The following DDC variants were observed in gnomAD, a reference collection of about 807,000 sequenced individuals.
DDC encodes the protein aromatic-L-amino-acid decarboxylase.
DDC carries 43 observed loss-of-function variants against 60.0 expected under a neutral mutation model. The observed-to-expected ratio is 0.72, with a 90% CI of 0.56 to 0.92. The LOEUF (loss-of-function observed/expected upper bound fraction) is 0.92, where lower values mean the gene tolerates loss of function less well. DDC is among the 40% of genes least tolerant of loss of function. The pLI, the probability that DDC is intolerant of heterozygous loss-of-function variation, is 0.00. For missense variants in DDC, 573 were observed against 620.2 expected (o/e 0.92, Z 0.81); for synonymous variants, 232 against 234.6 (o/e 0.99, Z 0.10).
intron 6 of DDC, among the ~76,000 whole-genome samples, chr7:50,516,348 A>C (rs2043729706): frequency 6.6e-6 from 1 of 152,212 alleles, no homozygotes; most frequent in South Asian, 2.1e-4. Context: ...AAACAAAATC[A>C]AGATGGAAAT....
At chr7:50,524,673 G>T (rs1237765051) in intron 6 of DDC, among the ~76,000 whole-genome samples, 2 of 152,162 alleles carry the variant, frequency 1.3e-5, no homozygotes, top group African/African-American at 2.4e-5. Flanking sequence ...AATACCAAAT[G>T]CTGGTAAGGA....
At chr7:50,493,339 A>G (rs1157548909) in intron 9 of DDC, among the ~76,000 whole-genome samples, 1 of 152,164 alleles carries the variant, frequency 6.6e-6, no homozygotes, top group South Asian at 2.1e-4. Context: ...GCCCTGCTCA[A>G]GGGTGGTTCT....
intron 13 of DDC, among the ~76,000 whole-genome samples, chr7:50,466,572 G>GATTA (rs1159444548): frequency 3.3e-5 from 5 of 151,328 alleles, no homozygotes; most frequent in Non-Finnish European, 7.4e-5. Context: ...ACACAAGGGA[G>GATTA]ATTACCAAGG....
In DDC at chr7:50,557,658, C is replaced by A. The variant is rs767750723; in HGVS notation, c.-29+7627G>T. Among the ~76,000 whole-genome samples the A allele has an allele frequency of 4.8e-4, 73 of 152,224 alleles. 2 individuals are homozygous for A. The highest frequency in any genetic ancestry group is 3.2e-3 in the Middle Eastern group (1 of 316). On this transcript the variant is annotated intron_variant, in intron 1 of 14. Transcript: ENST00000444124. ...GTGTTCCTATGACACCATCCATCCC[C>A]ACTTTGCCTGTTAGCTGTTTGCTGT...
rs1461136555 is a variant in DDC at position 50,463,202 on chromosome 7, G to A, written c.*18+11C>T. 3 of 1,583,048 alleles carry A rather than the reference G, an allele frequency of 1.9e-6. No individual in the cohort carries two copies. The highest frequency in any genetic ancestry group is 1.1e-5 in the South Asian group (1 of 87,206). ...AGGAGACAGGCAGAAAATGAGCCCA[G>A]GGCAGCCTACCTGCAGCTGGCTTCA... On this transcript the variant is annotated intron_variant, in intron 14 of 14. Transcript: ENST00000444124.
At chr7:50,494,698 G>A (rs1369804022) in intron 9 of DDC, among the ~76,000 whole-genome samples, 4 of 150,974 alleles carry the variant, frequency 2.6e-5, no homozygotes, top group Non-Finnish European at 4.4e-5. Flanking sequence ...ACAGAGTCTT[G>A]TCGCCAAGGC....
At chr7:50,477,815 T>C (rs1201952450) in intron 10 of DDC, among the ~76,000 whole-genome samples, 1 of 152,070 alleles carries the variant, frequency 6.6e-6, no homozygotes. Flanking sequence ...TAAACAAACA[T>C]AACATCAATA....
At chr7:50,497,950 A>G (rs1325034717) in intron 8 of DDC, among the ~76,000 whole-genome samples, 1 of 152,182 alleles carries the variant, frequency 6.6e-6, no homozygotes, top group Non-Finnish European at 1.5e-5. Context: ...GCATTATGAG[A>G]ATTCAAAGTT....
chr7:50,495,313 G>GT, intron 9 of DDC, 37 bp downstream of exon 9: 1 of 1,525,632 alleles, frequency 6.6e-7, no homozygotes, highest in South Asian at 1.1e-5. Flanking sequence ...CTGTCACCTC[G>GT]GACAGGCAAC....
At chr7:50,513,764 A>G (rs1300222505) in intron 6 of DDC, among the ~76,000 whole-genome samples, 1 of 151,952 alleles carries the variant, frequency 6.6e-6, no homozygotes, top group Non-Finnish European at 1.5e-5. Context: ...TCCTAGGTAC[A>G]CAACTCCAGT....
chr7:50,545,372 A>G (rs2044767481), intron 1 of DDC, among the ~76,000 whole-genome samples: 1 of 152,254 alleles, frequency 6.6e-6, no homozygotes, highest in African/African-American at 2.4e-5. Flanking sequence ...TTGTATTTTC[A>G]AAACAGGACA....
At chr7:50,547,192 A>G (rs1391149816) in intron 1 of DDC, among the ~76,000 whole-genome samples, 2 of 151,370 alleles carry the variant, frequency 1.3e-5, no homozygotes, top group African/African-American at 4.9e-5. Flanking sequence ...TCATGTTGAT[A>G]AATACTTTTC....
At chr7:50,551,863 G>A (rs2045007141) in intron 1 of DDC, among the ~76,000 whole-genome samples, 1 of 152,088 alleles carries the variant, frequency 6.6e-6, no homozygotes, top group African/African-American at 2.4e-5. Flanking sequence ...GCCTTTTGAA[G>A]CAAATATTCT....
chr7:50,467,092 G>T, intron 13 of DDC, 122 bp downstream of exon 13: 1 of 941,168 alleles, frequency 1.1e-6, no homozygotes, highest in East Asian at 2.4e-5. Context: ...GCCAAAGAAT[G>T]CAGGCTTTGC....
chr7:50,527,078 A>G (rs1242035236), intron 6 of DDC, among the ~76,000 whole-genome samples: 1 of 152,212 alleles, frequency 6.6e-6, no homozygotes, highest in African/African-American at 2.4e-5. Flanking sequence ...TTAGAGGATC[A>G]GAATCGGTTT....
At chr7:50,487,193 G>A (rs7785984) in intron 9 of DDC, among the ~76,000 whole-genome samples, 11,984 of 152,194 alleles carry the variant, frequency 0.079, 626 homozygotes, top group South Asian at 0.14. Context: ...AGAAAAGTAA[G>A]TTTTTATCAG....
intron 8 of DDC, among the ~76,000 whole-genome samples, chr7:50,496,152 C>T (rs997484709): frequency 1.3e-5 from 2 of 151,696 alleles, no homozygotes; most frequent in Non-Finnish European, 2.9e-5. Context: ...GACATGAACA[C>T]AGCTCACTGC....
chr7:50,504,135 T>C, intron 6 of DDC, 76 bp from the exon 7 acceptor site: 1 of 1,033,958 alleles, frequency 9.7e-7, no homozygotes, highest in Non-Finnish European at 1.5e-6. Context: ...AAGCAACTGC[T>C]GCCCCATGGT....
At chr7:50,535,190 C>T (rs2044358615) in intron 4 of DDC, among the ~76,000 whole-genome samples, 1 of 151,390 alleles carries the variant, frequency 6.6e-6, no homozygotes, top group Admixed American at 6.6e-5. Flanking sequence ...GAGTTTCCCT[C>T]TCGTCAACCA....
Sources: gnomAD v4.1 joint callset for allele counts (sites outside exome capture counted in the v4.1 genomes callset) on GRCh38, gnomAD v4.1.1 for gene constraint, MANE v1.5 for transcripts, NCBI Gene and HGNC (gene_info 2026-07-23, HGNC 2026-07-21) for gene names.